The following UTS2 variants were observed in gnomAD, a reference collection of about 807,000 sequenced individuals.
UTS2 encodes urotensin-2.
A neutral mutation model predicts 12.6 loss-of-function variants in UTS2; 10 were observed. That is an observed-to-expected ratio of 0.80 (90% CI 0.49 to 1.35). The LOEUF is 1.35. Among genes scored for constraint, UTS2 ranks in the 40% most tolerant of loss-of-function variants. UTS2 has a pLI of 0.00. For synonymous variants in UTS2, 52 were observed against 50.0 expected (o/e 1.04, Z -0.17); for missense variants, 142 against 143.2 (o/e 0.99, Z 0.04).
the UTS2 span, among the ~76,000 whole-genome samples, chr1:7,867,804 A>AG: frequency 6.6e-6 from 1 of 152,072 alleles, no homozygotes; most frequent in South Asian, 2.1e-4. Flanking sequence ...TGAACCCGGG[A>AG]GGTGGAAGTT....
At chr1:7,906,601 C>G in the UTS2 span, among the ~76,000 whole-genome samples, 1 of 152,110 alleles carries the variant, frequency 6.6e-6, no homozygotes, top group East Asian at 1.9e-4. Flanking sequence ...TTCATACTTG[C>G]ACACAGAAAC....
At chr1:7,909,030 A>T in the UTS2 span, among the ~76,000 whole-genome samples, 1 of 151,828 alleles carries the variant, frequency 6.6e-6, no homozygotes, top group South Asian at 2.1e-4. Flanking sequence ...TGACCTTGTG[A>T]TCTACCCATC....
the UTS2 span, among the ~76,000 whole-genome samples, chr1:7,875,739 C>G: frequency 6.6e-6 from 1 of 152,086 alleles, no homozygotes; most frequent in African/African-American, 2.4e-5. Flanking sequence ...TTCCCATCAC[C>G]AGCACCAGCA....
At chr1:7,862,198 TACCGGTGTGAGCC>T in the UTS2 span, among the ~76,000 whole-genome samples, 1 of 151,808 alleles carries the variant, frequency 6.6e-6, no homozygotes, top group African/African-American at 2.4e-5. Context: ...GTGCTGGGAT[TACCGGTGTGAGCC>T]ACCGCGCCCT....
chr1:7,906,489 AAG>A, the UTS2 span, among the ~76,000 whole-genome samples: 1 of 149,024 alleles, frequency 6.7e-6, no homozygotes. Context: ...GAAAGAAAGA[AAG>A]AAAGAAAGAA....
the UTS2 span, among the ~76,000 whole-genome samples, chr1:7,889,984 T>G: frequency 1.3e-5 from 2 of 151,928 alleles, no homozygotes; most frequent in Non-Finnish European, 2.9e-5. Context: ...GGAGAATGGC[T>G]TGAACCCGGG....
chr1:7,912,746 A>G, the UTS2 span, among the ~76,000 whole-genome samples: 1 of 152,058 alleles, frequency 6.6e-6, no homozygotes, highest in Non-Finnish European at 1.5e-5. Context: ...GGGCCCCCAC[A>G]GAGTCCAGAG....
chr1:7,869,759 T>C, the UTS2 span, among the ~76,000 whole-genome samples: 102,291 of 152,186 alleles, frequency 0.67, 34,876 homozygotes, highest in African/African-American at 0.77. Context: ...AATAAATATC[T>C]GCTCCGCTTA....
the UTS2 span, among the ~76,000 whole-genome samples, chr1:7,912,408 T>C: frequency 3.5e-4 from 54 of 152,258 alleles, no homozygotes; most frequent in African/African-American, 1.2e-3. Flanking sequence ...TAAACAGACC[T>C]GATTGGGAAC....
At chr1:7,881,671 CAGA>C in the UTS2 span, among the ~76,000 whole-genome samples, 1 of 152,048 alleles carries the variant, frequency 6.6e-6, no homozygotes, top group Non-Finnish European at 1.5e-5. Flanking sequence ...GTTCATGGAT[CAGA>C]AGAATTAATA....
At chr1:7,909,483 G>A in the UTS2 span, among the ~76,000 whole-genome samples, 3 of 147,336 alleles carry the variant, frequency 2.0e-5, no homozygotes, top group South Asian at 2.1e-4. Context: ...GGTGGAGGTC[G>A]CAGTGAGCTG....
the UTS2 span, among the ~76,000 whole-genome samples, chr1:7,866,276 C>T: frequency 1.3e-5 from 2 of 152,266 alleles, no homozygotes; most frequent in East Asian, 3.9e-4. This position sits in a 1 kb window ranked among gnomAD's most constrained non-coding sequence, Gnocchi z 4.5. Context: ...CAGGGAGAAA[C>T]GTCTGGTGGG....
intron 1 of UTS2, among the ~76,000 whole-genome samples, chr1:7,851,944 T>A (rs1301457120): frequency 1.3e-5 from 2 of 152,212 alleles, no homozygotes; most frequent in East Asian, 3.8e-4. Flanking sequence ...TCTTGAGATG[T>A]GTGCTGTTTC....
chr1:7,872,039 C>T, the UTS2 span, among the ~76,000 whole-genome samples: 2 of 152,136 alleles, frequency 1.3e-5, no homozygotes, highest in South Asian at 4.1e-4. Context: ...CGGTGGCTCA[C>T]GCCTGTAATC....
upstream of UTS2, among the ~76,000 whole-genome samples, chr1:7,854,757 A>G (rs1179500226): frequency 1.3e-5 from 2 of 152,132 alleles, no homozygotes; most frequent in African/African-American, 4.8e-5. Context: ...TGTTCTCATC[A>G]CAAAAAAATG....
At chr1:7,907,161 C>T in the UTS2 span, among the ~76,000 whole-genome samples, 1 of 152,074 alleles carries the variant, frequency 6.6e-6, no homozygotes, top group Non-Finnish European at 1.5e-5. Context: ...GAGGCTGAGG[C>T]GAGAGAATTG....
the UTS2 span, among the ~76,000 whole-genome samples, chr1:7,906,469 A>AAGAAAGAAAGAAAGAAAG: frequency 6.8e-6 from 1 of 147,932 alleles, no homozygotes; most frequent in African/African-American, 2.5e-5. Context: ...GAAAGAAAGA[A>AAGAAAGAAAGAAAGAAAG]AGAAAGAAAG....
the UTS2 span, among the ~76,000 whole-genome samples, chr1:7,883,259 G>A: frequency 0.15 from 22,662 of 152,210 alleles, 1,877 homozygotes; most frequent in Middle Eastern, 0.27. Flanking sequence ...AATTCATTAT[G>A]TTAGATGAAA....
chr1:7,909,853 C>T, the UTS2 span, among the ~76,000 whole-genome samples: 1 of 152,054 alleles, frequency 6.6e-6, no homozygotes, highest in African/African-American at 2.4e-5. Flanking sequence ...AACTCCTGAC[C>T]TCAAGTGATC....
Sources: allele counts gnomAD v4.1 joint callset (sites outside exome capture counted in the v4.1 genomes callset), GRCh38; gene constraint gnomAD v4.1.1; non-coding constraint Gnocchi (gnomAD v3.1); transcripts MANE v1.5; gene names NCBI Gene and HGNC (gene_info 2026-07-23, HGNC 2026-07-21).